Variants in ARID2 observed in about 807,000 individuals in gnomAD.
ARID2 encodes the protein AT-rich interaction domain 2, also known as AT-rich interactive domain-containing protein 2.
ARID2 carries 32 observed loss-of-function variants against 184.6 expected under a neutral mutation model. That is an observed-to-expected ratio of 0.17 (90% confidence interval 0.13 to 0.23). The LOEUF is 0.23. ARID2 is among the 10% of genes least tolerant of loss of function. ARID2 has a pLI of 1.00. For missense variants in ARID2, 1,696 were observed against 2,197.6 expected, an observed-to-expected ratio of 0.77 and a Z score of 4.56; for synonymous variants, 836 against 772.6, an observed-to-expected ratio of 1.08 and a Z score of -1.36.
At chr12:45,733,788 G>A (rs1941051947) in intron 3 of ARID2, among the ~76,000 whole-genome samples, 1 of 152,140 alleles carries the variant, frequency 6.6e-6, no homozygotes, top group Admixed American at 6.5e-5. Context: ...AATATTGACA[G>A]TCATTAAATA....
chr12:45,790,299 T>A (rs915458161), intron 3 of ARID2, among the ~76,000 whole-genome samples: 2 of 152,194 alleles, frequency 1.3e-5, no homozygotes, highest in African/African-American at 4.8e-5. Context: ...CTGTCTCTTT[T>A]ATGCCTTATG....
chr12:45,838,868 G>A (rs1016988877), intron 10 of ARID2, among the ~76,000 whole-genome samples: 1 of 135,612 alleles, frequency 7.4e-6, no homozygotes, highest in Non-Finnish European at 1.6e-5. Flanking sequence ...AAAATGTTTT[G>A]TTTTTTTTTT....
Position 45,907,118 on chromosome 12 carries a change from G to C in ARID2, c.*2040G>C, listed in dbSNP as rs910700705. Reference sequence around the variant, plus strand: ...TTATAAGGTTGTGGAATTTATGCTTGGCCCACCTTCCAAGACTGGCACTGC... The same window carrying C: ...TTATAAGGTTGTGGAATTTATGCTTCGCCCACCTTCCAAGACTGGCACTGC... On this transcript the variant is annotated 3_prime_UTR_variant, in exon 21 of 21. Coordinates refer to ENST00000334344, the MANE Select transcript of ARID2 (RefSeq NM_152641.4). The C allele has an allele frequency of 4.3e-6, 1 of 232,524 alleles. No homozygotes were observed. Among genetic ancestry groups the C allele is most frequent in the Non-Finnish European group, 8.5e-6 (1 of 117,718 alleles). The allele number at this position is 232,524 out of a possible 1,614,324, so 14.4% of individuals were successfully genotyped here.
At chr12:45,795,446 T>A (rs1193954315) in intron 3 of ARID2, among the ~76,000 whole-genome samples, 1 of 152,174 alleles carries the variant, frequency 6.6e-6, no homozygotes, top group African/African-American at 2.4e-5. Flanking sequence ...TTTTATTTTT[T>A]TTTTAGACGG....
At position 45,852,601 on chromosome 12, in the gene ARID2, T is replaced by A. The variant is rs1943575560; in HGVS notation, c.4478T>A (p.Val1493Glu). The change falls in exon 15 of 21, where the codon GTA becomes GAA. Residue 1493 changes from valine (V) to glutamate (E), a missense_variant. By Grantham distance (121) the Val-to-Glu change is moderately radical. Transcript: ENST00000334344. ...IIAVPDSGSK[V>E]SHSPALSSDV... ...GCAGTTCCCGACTCAGGATCAAAAG[T>A]ATCCCATTCTCCTGCCCTATCATCT... is the stretch of plus-strand genomic sequence containing the variant. 1 of 1,614,056 alleles carries A rather than the reference T, an allele frequency of 6.2e-7. No homozygotes were observed. The highest frequency in any genetic ancestry group is 1.7e-5 in the Admixed American group (1 of 59,994).
At chr12:45,822,956 A>G (rs1196341889) in intron 6 of ARID2, among the ~76,000 whole-genome samples, 1 of 152,190 alleles carries the variant, frequency 6.6e-6, no homozygotes, top group Non-Finnish European at 1.5e-5. Context: ...AATCTGCACT[A>G]TAGACCAAAT....
At chr12:45,789,906 C>T (rs1942264181) in intron 3 of ARID2, among the ~76,000 whole-genome samples, 1 of 152,040 alleles carries the variant, frequency 6.6e-6, no homozygotes, top group African/African-American at 2.4e-5. Flanking sequence ...TGCTTGAGGC[C>T]AGAAGTTGGA....
intron 3 of ARID2, among the ~76,000 whole-genome samples, chr12:45,760,095 T>C (rs1941645918): frequency 6.6e-6 from 1 of 152,232 alleles, no homozygotes; most frequent in African/African-American, 2.4e-5. Flanking sequence ...GTCATTCATC[T>C]CAAAGTATTA....
intron 3 of ARID2, among the ~76,000 whole-genome samples, chr12:45,787,691 A>C (rs970141645): frequency 1.3e-5 from 2 of 152,166 alleles, no homozygotes; most frequent in African/African-American, 4.8e-5. Context: ...TCTTTTCTTT[A>C]AACTGTAAAC....
At chr12:45,739,003 T>C (rs2137975224) in intron 3 of ARID2, among the ~76,000 whole-genome samples, 1 of 151,836 alleles carries the variant, frequency 6.6e-6, no homozygotes, top group South Asian at 2.1e-4. Context: ...AGTTTCGCTC[T>C]TGTTACCCAG....
chr12:45,885,965 C>T (rs924504150), intron 16 of ARID2, among the ~76,000 whole-genome samples: 3 of 152,082 alleles, frequency 2.0e-5, no homozygotes, highest in Non-Finnish European at 4.4e-5. Context: ...CTGGCCCCTC[C>T]CAAATCTCAT....
intron 16 of ARID2, among the ~76,000 whole-genome samples, chr12:45,868,964 C>A (rs2138201924): frequency 6.6e-6 from 1 of 151,866 alleles, no homozygotes. Flanking sequence ...ATGTATAAAT[C>A]AGATTTATTT....
intron 16 of ARID2, among the ~76,000 whole-genome samples, chr12:45,891,163 CAA>C (rs111941337): frequency 6.6e-4 from 76 of 115,520 alleles, no homozygotes; most frequent in African/African-American, 7.9e-4. Context: ...GACTCCGTCT[CAA>C]AAAAAAAAAA....
intron 3 of ARID2, among the ~76,000 whole-genome samples, chr12:45,793,062 G>T (rs1277943059): frequency 6.6e-6 from 1 of 152,126 alleles, no homozygotes; most frequent in African/African-American, 2.4e-5. Flanking sequence ...ACTTTGGGAG[G>T]CTGAGGCAGG....
At chr12:45,768,506 C>T (rs1026946469) in intron 3 of ARID2, among the ~76,000 whole-genome samples, 84 of 152,248 alleles carry the variant, frequency 5.5e-4, no homozygotes, top group African/African-American at 1.9e-3. Context: ...AGAGACTTGC[C>T]TAGGGGGAGA....
chr12:45,874,745 T>G lies in ARID2; in HGVS notation c.4922+13796T>G, dbSNP rs553292654. Among the ~76,000 whole-genome samples, 9 of 152,304 alleles carry G rather than the reference T, an allele frequency of 5.9e-5. No individual in the cohort carries two copies. The South Asian group carries it at 1.9e-3, about 32-fold the overall frequency. On this transcript the variant is annotated intron_variant, in intron 16 of 20. Transcript: ENST00000334344. Reference sequence around the variant, plus strand: ...CTTAGTGGCAACTAGCATTAGAGAATCCTTTGCAGAAGATTTTCAATTTAC... The same window carrying G: ...CTTAGTGGCAACTAGCATTAGAGAAGCCTTTGCAGAAGATTTTCAATTTAC...
intron 20 of ARID2, chr12:45,904,191 A>G: frequency 1.9e-6 from 1 of 526,528 alleles, no homozygotes; most frequent in South Asian, 2.5e-5. Flanking sequence ...TTTAGGATAT[A>G]GTTAAGCTAG....
At chr12:45,873,181 A>G (rs1435154578) in intron 16 of ARID2, among the ~76,000 whole-genome samples, 1 of 152,238 alleles carries the variant, frequency 6.6e-6, no homozygotes, top group East Asian at 1.9e-4. Context: ...TTTGTCTGAA[A>G]TAATTATTGC....
chr12:45,848,756 C>T, intron 12 of ARID2, 80 bp from the exon 13 acceptor site: 1 of 1,231,292 alleles, frequency 8.1e-7, no homozygotes, highest in East Asian at 2.6e-5. Context: ...TAACACATTG[C>T]CTCCACATGG....
Sources: allele counts gnomAD v4.1 joint callset (sites outside exome capture counted in the v4.1 genomes callset), GRCh38; gene constraint gnomAD v4.1.1; transcripts MANE v1.5; gene names NCBI Gene and HGNC (gene_info 2026-07-23, HGNC 2026-07-21).